Variants in LOC128462377 observed in about 807,000 individuals in gnomAD.
chr16:89,409,446 G>T, the LOC128462377 span, among the ~76,000 whole-genome samples: 1 of 152,214 alleles, frequency 6.6e-6, no homozygotes, highest in Non-Finnish European at 1.5e-5. Context: ...GTCGTCTTGT[G>T]CACGTCACGG....
chr16:89,320,877 T>C, the LOC128462377 span, among the ~76,000 whole-genome samples: 16 of 152,284 alleles, frequency 1.1e-4, no homozygotes, highest in East Asian at 9.7e-4. Context: ...GGGCTCCACC[T>C]CCCCTGCAAT....
chr16:89,349,336 C>T, the LOC128462377 span, among the ~76,000 whole-genome samples: 11 of 151,380 alleles, frequency 7.3e-5, no homozygotes, highest in African/African-American at 2.7e-4. Flanking sequence ...AAAAATTAGC[C>T]GGGCGTGGTG....
the LOC128462377 span, among the ~76,000 whole-genome samples, chr16:89,349,341 G>C: frequency 1.3e-5 from 2 of 151,512 alleles, no homozygotes; most frequent in African/African-American, 4.9e-5. Context: ...TTAGCCGGGC[G>C]TGGTGGCGGG....
the LOC128462377 span, among the ~76,000 whole-genome samples, chr16:89,361,074 G>A: frequency 2.0e-5 from 3 of 152,296 alleles, no homozygotes; most frequent in East Asian, 1.9e-4. Flanking sequence ...AGCCCCTGCT[G>A]CAATGGCACC....
the LOC128462377 span, among the ~76,000 whole-genome samples, chr16:89,340,789 G>A: frequency 1.8e-4 from 27 of 152,202 alleles, no homozygotes; most frequent in Non-Finnish European, 2.9e-5. Context: ...AGAGAGCTCT[G>A]AAACCCCAGA....
chr16:89,349,622 AACCTT>A, the LOC128462377 span, among the ~76,000 whole-genome samples: 1 of 152,160 alleles, frequency 6.6e-6, no homozygotes, highest in Non-Finnish European at 1.5e-5. Flanking sequence ...AAAAACCTCT[AACCTT>A]ACCTTATGCC....
the LOC128462377 span, among the ~76,000 whole-genome samples, chr16:89,394,146 G>A: frequency 1.3e-5 from 2 of 152,174 alleles, no homozygotes; most frequent in African/African-American, 4.8e-5. Flanking sequence ...CTCAGCTGCT[G>A]CAAGCACAAT....
At chr16:89,392,094 G>GA in the LOC128462377 span, among the ~76,000 whole-genome samples, 10 of 152,138 alleles carry the variant, frequency 6.6e-5, no homozygotes. Flanking sequence ...GACAAATACA[G>GA]AATGTGAGGT....
chr16:89,418,182 G>C, the LOC128462377 span: 1 of 428,510 alleles, frequency 2.3e-6, no homozygotes, highest in South Asian at 1.6e-5. Context: ...ACTCTATCAA[G>C]TCCAAGAAAA....
At chr16:89,396,958 GGGA>G in the LOC128462377 span, among the ~76,000 whole-genome samples, 78,733 of 151,712 alleles carry the variant, frequency 0.52, 20,971 homozygotes, top group Middle Eastern at 0.72. Flanking sequence ...GAGCACTGGT[GGGA>G]TTATAGGCAT....
the LOC128462377 span, among the ~76,000 whole-genome samples, chr16:89,360,918 T>C: frequency 2.0e-5 from 3 of 152,200 alleles, no homozygotes; most frequent in Admixed American, 2.0e-4. Context: ...CTCTTGCCCC[T>C]GCACTGAGCC....
the LOC128462377 span, among the ~76,000 whole-genome samples, chr16:89,369,100 C>T: frequency 6.6e-6 from 1 of 152,138 alleles, no homozygotes; most frequent in Admixed American, 6.5e-5. Context: ...ACATCACTAC[C>T]AAGCTCTGGC....
the LOC128462377 span, among the ~76,000 whole-genome samples, chr16:89,405,765 G>A: frequency 2.0e-5 from 3 of 152,046 alleles, no homozygotes; most frequent in Admixed American, 2.0e-4. Context: ...CCAGACCCTG[G>A]GGCTTAGGGG....
chr16:89,386,398 C>A, the LOC128462377 span, among the ~76,000 whole-genome samples: 4 of 152,142 alleles, frequency 2.6e-5, no homozygotes, highest in Admixed American at 2.0e-4. Flanking sequence ...CCCTGCTGCC[C>A]CACCCTTTAC....
the LOC128462377 span, among the ~76,000 whole-genome samples, chr16:89,355,789 G>A: frequency 6.6e-6 from 1 of 152,200 alleles, no homozygotes; most frequent in African/African-American, 2.4e-5. Context: ...CATCTGCACC[G>A]AGGCCCTGCC....
the LOC128462377 span, among the ~76,000 whole-genome samples, chr16:89,352,555 C>A: frequency 1.3e-5 from 2 of 152,192 alleles, no homozygotes. Context: ...AAGAGTGAGG[C>A]CCCTGTCAGG....
chr16:89,325,406 C>T, the LOC128462377 span, among the ~76,000 whole-genome samples: 11 of 151,972 alleles, frequency 7.2e-5, no homozygotes, highest in African/African-American at 2.4e-4. Context: ...CCACTGTACT[C>T]CAGCCCGGGC....
the LOC128462377 span, among the ~76,000 whole-genome samples, chr16:89,385,816 C>T: frequency 6.6e-6 from 1 of 152,256 alleles, no homozygotes; most frequent in Non-Finnish European, 1.5e-5. Flanking sequence ...CCCGCCGCTG[C>T]GCAGCCAGAG....
At chr16:89,362,522 T>C in the LOC128462377 span, among the ~76,000 whole-genome samples, 5 of 152,220 alleles carry the variant, frequency 3.3e-5, no homozygotes, top group Non-Finnish European at 7.3e-5. Context: ...CCAGAGATAC[T>C]GGGCGGAGCA....
Sources: allele counts gnomAD v4.1 joint callset (sites outside exome capture counted in the v4.1 genomes callset), GRCh38; gene constraint gnomAD v4.1.1; transcripts MANE v1.5.